GPC5: variants seen among roughly 807,000 people sequenced by gnomAD.
The protein encoded by GPC5 is glypican 5.
Under a neutral mutation model 53.9 loss-of-function variants are expected in GPC5, and 47 were observed. The ratio of observed to expected loss-of-function variants is 0.87; its 90% CI spans 0.69 to 1.11. The LOEUF (loss-of-function observed/expected upper bound fraction) is 1.11. Ranked by LOEUF, GPC5 falls within the 50% of genes most tolerant of loss-of-function variation. The pLI is 0.00. For synonymous variants in GPC5, 286 were observed against 263.3 expected (o/e 1.09, Z -0.84); for missense variants, 748 against 713.1 (o/e 1.05, Z -0.56).
intron 1 of GPC5, among the ~76,000 whole-genome samples, chr13:91,436,134 C>A (rs1879925356): frequency 6.6e-6 from 1 of 151,428 alleles, no homozygotes; most frequent in Non-Finnish European, 1.5e-5. Context: ...TTTCAAAAAA[C>A]CAGCTCCTGG....
chr13:92,292,450 T>C (rs1412120599), intron 7 of GPC5, among the ~76,000 whole-genome samples: 1 of 152,228 alleles, frequency 6.6e-6, no homozygotes, highest in African/African-American at 2.4e-5. Context: ...CATTTTTTCT[T>C]ACATTTGTTG....
intron 2 of GPC5, among the ~76,000 whole-genome samples, chr13:91,455,025 T>A (rs1881440567): frequency 6.6e-6 from 1 of 152,128 alleles, no homozygotes; most frequent in African/African-American, 2.4e-5. Flanking sequence ...TTGAGATTAA[T>A]CTGTGTGTCT....
At chr13:91,509,750 A>C (rs960698479) in intron 2 of GPC5, among the ~76,000 whole-genome samples, 14 of 152,122 alleles carry the variant, frequency 9.2e-5, no homozygotes, top group African/African-American at 3.1e-4. Context: ...ATTTTATTAT[A>C]ATCTTTGTAT....
At chr13:91,904,375 T>C (rs1204468262) in intron 5 of GPC5, among the ~76,000 whole-genome samples, 1 of 151,870 alleles carries the variant, frequency 6.6e-6, no homozygotes, top group Admixed American at 6.6e-5. Flanking sequence ...CACACATGCC[T>C]TCTTAATTAG....
intron 2 of GPC5, among the ~76,000 whole-genome samples, chr13:91,504,909 T>A (rs1225644630): frequency 2.0e-5 from 3 of 152,132 alleles, no homozygotes; most frequent in African/African-American, 7.2e-5. Context: ...GCTATGACTT[T>A]GTCACTGCAC....
chr13:92,655,503 T>A (rs1886102701), intron 7 of GPC5, among the ~76,000 whole-genome samples: 1 of 151,962 alleles, frequency 6.6e-6, no homozygotes, highest in African/African-American at 2.4e-5. Context: ...CCCAGCTAAT[T>A]TTTGTATTTT....
intron 5 of GPC5, among the ~76,000 whole-genome samples, chr13:91,894,301 A>C (rs1195859033): frequency 6.6e-6 from 1 of 152,152 alleles, no homozygotes. Context: ...TGCCATAACC[A>C]GTGAATTTTA....
At chr13:92,100,412 A>T (rs1358360084) in intron 6 of GPC5, among the ~76,000 whole-genome samples, 2 of 152,314 alleles carry the variant, frequency 1.3e-5, no homozygotes, top group East Asian at 1.9e-4. Flanking sequence ...AAAAAAATTT[A>T]AAAAGTTAAA....
chr13:92,365,021 C>T (rs1395075657), intron 7 of GPC5, among the ~76,000 whole-genome samples: 1 of 151,674 alleles, frequency 6.6e-6, no homozygotes, highest in Non-Finnish European at 1.5e-5. Context: ...TGAATAATGA[C>T]ACAAATTATA....
chr13:91,693,804 G>C lies in GPC5; in HGVS notation c.943G>C (p.Val315Leu). The C allele has an allele frequency of 6.2e-7, 1 of 1,613,670 alleles. No homozygotes were observed. Among genetic ancestry groups the C allele is most frequent in the Middle Eastern group, 1.7e-4 (1 of 6,058 alleles). Residue 315 changes from valine to leucine, a missense_variant, in exon 3 of 8, where the codon GTG becomes CTG. Val to Leu is a conservative substitution (Grantham distance 32). Transcript: ENST00000377067. ...GCATGGAACATACGACATTGGACAC[G>C]TGCTGCTGAACTTTCACTTGCTTGT... is the stretch of plus-strand genomic sequence containing the variant. The part of the protein sequence containing the change: ...AMHGTYDIGH[V>L]LLNFHLLVND...
chr13:92,502,439 T>A (rs1405431372), intron 7 of GPC5, among the ~76,000 whole-genome samples: 10 of 151,610 alleles, frequency 6.6e-5, no homozygotes, highest in Admixed American at 3.3e-4. Flanking sequence ...CAGAATGGAT[T>A]AAAAAAAACA....
intron 3 of GPC5, among the ~76,000 whole-genome samples, chr13:91,718,526 G>A (rs902847521): frequency 1.3e-5 from 2 of 152,046 alleles, no homozygotes; most frequent in African/African-American, 4.8e-5. Flanking sequence ...ATGAAGAAGA[G>A]TTTTGTAGTT....
At chr13:92,136,378 A>G (rs1297424807) in intron 6 of GPC5, among the ~76,000 whole-genome samples, 1 of 149,264 alleles carries the variant, frequency 6.7e-6, no homozygotes, top group Non-Finnish European at 1.5e-5. Flanking sequence ...TTTATTCTAT[A>G]CATGATATAT....
intron 2 of GPC5, among the ~76,000 whole-genome samples, chr13:91,591,356 G>A (rs533782626): frequency 6.6e-6 from 1 of 152,218 alleles, no homozygotes; most frequent in Admixed American, 6.5e-5. Flanking sequence ...TTTCTTTCCA[G>A]CTACCGTTAG....
At chr13:92,858,520 C>T (rs992974792) in intron 7 of GPC5, among the ~76,000 whole-genome samples, 5 of 152,144 alleles carry the variant, frequency 3.3e-5, no homozygotes, top group Non-Finnish European at 4.4e-5. Context: ...AACATGGATG[C>T]AGCTGGAGAC....
At chr13:91,775,372 C>T (rs918700413) in intron 5 of GPC5, among the ~76,000 whole-genome samples, 1 of 152,164 alleles carries the variant, frequency 6.6e-6, no homozygotes, top group Admixed American at 6.5e-5. Context: ...ATTTTTCCCC[C>T]CTCTGGGTTT....
At chr13:92,545,140 A>G (rs1286010011) in intron 7 of GPC5, among the ~76,000 whole-genome samples, 6 of 151,920 alleles carry the variant, frequency 3.9e-5, no homozygotes, top group Non-Finnish European at 5.9e-5. Context: ...TCATTGTTCA[A>G]TTCCCACCTA....
At chr13:91,867,931 A>G in intron 5 of GPC5, among the ~76,000 whole-genome samples, 1 of 152,140 alleles carries the variant, frequency 6.6e-6, no homozygotes, top group African/African-American at 2.4e-5. Flanking sequence ...AATTTTCAAA[A>G]GGGGACATGG....
intron 5 of GPC5, among the ~76,000 whole-genome samples, chr13:91,804,832 T>C (rs545567561): frequency 1.2e-4 from 18 of 152,292 alleles, no homozygotes; most frequent in African/African-American, 4.1e-4. Context: ...GATGTGTGCA[T>C]GTGAACTTCA....
Sources: gnomAD v4.1 joint callset for allele counts (sites outside exome capture counted in the v4.1 genomes callset) on GRCh38, gnomAD v4.1.1 for gene constraint, MANE v1.5 for transcripts, NCBI Gene and HGNC (gene_info 2026-07-23, HGNC 2026-07-21) for gene names.